Variants in DLG2 observed in about 807,000 individuals in gnomAD.
DLG2 encodes discs large MAGUK scaffold protein 2.
In DLG2, 45 loss-of-function variants were observed where a neutral mutation model predicts 132.5. That is an observed-to-expected ratio of 0.34 (90% CI 0.27 to 0.44). The LOEUF is 0.44. Ranked by LOEUF, DLG2 falls within the 20% of genes least tolerant of loss-of-function variation. The probability of loss-of-function intolerance (pLI) is 1.00; values close to 1 mark genes in which losing one functional copy is unlikely to be tolerated. For missense variants in DLG2, 1,045 were observed against 1,196.9 expected, an observed-to-expected ratio of 0.87 and a Z score of 1.87; for synonymous variants, 424 against 419.6, an observed-to-expected ratio of 1.01 and a Z score of -0.13.
chr11:84,868,049 G>A (rs2084876140), intron 6 of DLG2, among the ~76,000 whole-genome samples: 1 of 150,792 alleles, frequency 6.6e-6, no homozygotes, highest in African/African-American at 2.4e-5. Flanking sequence ...ACTCCAGCCT[G>A]GGCAACAAAG....
intron 6 of DLG2, among the ~76,000 whole-genome samples, chr11:84,555,470 T>G (rs1157261325): frequency 6.6e-6 from 1 of 152,108 alleles, no homozygotes; most frequent in Non-Finnish European, 1.5e-5. Context: ...CAATAAAATG[T>G]TATTCAGCTT....
intron 6 of DLG2, among the ~76,000 whole-genome samples, chr11:84,809,324 T>G (rs1054303261): frequency 2.0e-5 from 3 of 151,902 alleles, no homozygotes; most frequent in Non-Finnish European, 4.4e-5. Flanking sequence ...GTACCTAACA[T>G]TAGATTTAAG....
chr11:84,563,882 T>C (rs898928810), intron 6 of DLG2, among the ~76,000 whole-genome samples: 9 of 152,158 alleles, frequency 5.9e-5, no homozygotes, highest in Non-Finnish European at 1.0e-4. Flanking sequence ...GCTAGAAAAG[T>C]GGCTCTCTTT....
chr11:83,890,800 C>G (rs1430298260), intron 15 of DLG2, among the ~76,000 whole-genome samples: 1 of 151,974 alleles, frequency 6.6e-6, no homozygotes, highest in Non-Finnish European at 1.5e-5. Flanking sequence ...CTGACCTGAA[C>G]CTGAAATAAC....
At chr11:83,965,763 T>C (rs2090041787) in intron 12 of DLG2, among the ~76,000 whole-genome samples, 1 of 151,906 alleles carries the variant, frequency 6.6e-6, no homozygotes, top group African/African-American at 2.4e-5. Context: ...TGCTATAGTT[T>C]CTATGATAGA....
chr11:83,900,891 G>T, intron 15 of DLG2, among the ~76,000 whole-genome samples: 1 of 152,164 alleles, frequency 6.6e-6, no homozygotes, highest in East Asian at 1.9e-4. Context: ...AGACACTCAA[G>T]CCAGCCCATG....
At chr11:83,922,839 T>C (rs1343609206) in intron 15 of DLG2, among the ~76,000 whole-genome samples, 1 of 152,024 alleles carries the variant, frequency 6.6e-6, no homozygotes, top group Non-Finnish European at 1.5e-5. Flanking sequence ...TTAGAAACAA[T>C]AAACTACCTA....
chr11:83,506,066 G>A (rs2094683270), intron 21 of DLG2, among the ~76,000 whole-genome samples: 1 of 152,136 alleles, frequency 6.6e-6, no homozygotes, highest in South Asian at 2.1e-4. Context: ...GCTGTGCACG[G>A]CCCACTCTAT....
intron 14 of DLG2, among the ~76,000 whole-genome samples, chr11:83,937,997 T>A (rs889492909): frequency 1.3e-5 from 2 of 152,130 alleles, no homozygotes; most frequent in Non-Finnish European, 2.9e-5. Flanking sequence ...ATAAAAAATA[T>A]GTACAAAAGT....
intron 7 of DLG2, among the ~76,000 whole-genome samples, chr11:84,260,488 A>G (rs1398335727): frequency 2.0e-5 from 3 of 152,246 alleles, no homozygotes; most frequent in Non-Finnish European, 2.9e-5. Context: ...ATTGGCAATT[A>G]TATCAACCAC....
rs527695421 is a variant in DLG2, at chr11:84,057,391, G to C, written c.919+1924C>G. Reference sequence around the variant, plus strand: ...TACAGTTAATTGAATTACAGAAATAGCTACATATAATATATATTTTTAATA... The same window carrying C: ...TACAGTTAATTGAATTACAGAAATACCTACATATAATATATATTTTTAATA... On this transcript the variant is annotated intron_variant, in intron 11 of 27. Transcript: ENST00000376104. 6.6e-5 allele frequency among the ~76,000 whole-genome samples: 10 copies of C among 152,206 alleles called. No homozygotes were observed. In the South Asian group the frequency reaches 2.1e-3, roughly 32 times the overall value.
chr11:85,251,599 T>G (rs2076399626), intron 4 of DLG2, among the ~76,000 whole-genome samples: 1 of 152,280 alleles, frequency 6.6e-6, no homozygotes, highest in African/African-American at 2.4e-5. Context: ...AGAAGCTTTT[T>G]AAAACTATGA....
chr11:85,147,053 C>T (rs962001637), intron 5 of DLG2, among the ~76,000 whole-genome samples: 3 of 152,186 alleles, frequency 2.0e-5, no homozygotes, highest in Non-Finnish European at 2.9e-5. Context: ...CTCTCTCCTG[C>T]GAACACACAG....
intron 6 of DLG2, among the ~76,000 whole-genome samples, chr11:84,711,033 G>GAC (rs1232588482): frequency 1.5e-5 from 1 of 65,830 alleles, no homozygotes; most frequent in Non-Finnish European, 3.2e-5. Flanking sequence ...TATATATATA[G>GAC]AGCTGAAAAA....
At chr11:83,484,631 C>T (rs575549238) in intron 21 of DLG2, among the ~76,000 whole-genome samples, 9 of 152,200 alleles carry the variant, frequency 5.9e-5, no homozygotes, top group East Asian at 3.9e-4. Context: ...GCAGCTCTTA[C>T]GTTGTGAGAC....
chr11:84,762,132 G>A (rs1411105501), intron 6 of DLG2: 1 of 152,032 alleles, frequency 6.6e-6, no homozygotes, highest in Non-Finnish European at 1.5e-5. Context: ...TTGAAAACAA[G>A]GTGGGGCCTT....
chr11:83,692,230 G>T (rs926450311), intron 18 of DLG2, among the ~76,000 whole-genome samples: 9 of 152,170 alleles, frequency 5.9e-5, no homozygotes, highest in African/African-American at 9.7e-5. Context: ...ACAAATCATG[G>T]CATGATATGA....
chr11:83,456,373 A>G lies in DLG2; in HGVS notation c.*3445T>C, dbSNP rs2088980949. ...TTTACTTTCTGGGCTGAGTAGGTGA[A>G]ACGGCGACCTAAAGTATTTGTGTCA... On this transcript the variant is annotated 3_prime_UTR_variant, in exon 28 of 28. Transcript: ENST00000376104. 6.5e-6 allele frequency: 1 copy of G among 152,738 alleles called. No individual in the cohort carries two copies. The highest frequency in any genetic ancestry group is 1.5e-5 in the Non-Finnish European group (1 of 68,118). The allele number at this position is 152,738 out of a possible 1,614,324, so 9.5% of individuals were successfully genotyped here. A position where few individuals can be genotyped will look rare whatever the true frequency, so the allele number is the denominator to read the frequency against.
intron 4 of DLG2, among the ~76,000 whole-genome samples, chr11:85,176,841 A>G (rs941769002): frequency 2.0e-5 from 3 of 152,214 alleles, no homozygotes; most frequent in African/African-American, 7.2e-5. Flanking sequence ...CATGCAGCCA[A>G]CAAATATATG....
Sources: allele counts gnomAD v4.1 joint callset (sites outside exome capture counted in the v4.1 genomes callset), GRCh38; gene constraint gnomAD v4.1.1; transcripts MANE v1.5; gene names NCBI Gene and HGNC (gene_info 2026-07-23, HGNC 2026-07-21).